The following ACOT7 variants were observed in gnomAD, a reference collection of about 807,000 sequenced individuals.
ACOT7 encodes cytosolic acyl coenzyme A thioester hydrolase.
ACOT7 carries 12 observed loss-of-function variants against 40.2 expected under a neutral mutation model. The ratio of observed to expected loss-of-function variants is 0.30; its 90% confidence interval spans 0.19 to 0.48. The LOEUF (loss-of-function observed/expected upper bound fraction) is 0.48. Among genes scored for constraint, ACOT7 ranks in the 20% least tolerant of loss-of-function variants. The pLI, the probability that ACOT7 is intolerant of heterozygous loss-of-function variation, is 0.99. For synonymous variants in ACOT7, 228 were observed against 219.5 expected (o/e 1.04, Z -0.34); for missense variants, 395 against 530.8 (o/e 0.74, Z 2.51).
At chr1:6,336,429 T>C (rs1240556006) in intron 3 of ACOT7, among the ~76,000 whole-genome samples, 2 of 151,686 alleles carry the variant, frequency 1.3e-5, no homozygotes, top group Admixed American at 6.6e-5. Flanking sequence ...CCAGTTAGCT[T>C]AATATTTTGA....
chr1:6,322,339 C>G (rs184879814), intron 5 of ACOT7, among the ~76,000 whole-genome samples: 1 of 152,364 alleles, frequency 6.6e-6, no homozygotes, highest in Admixed American at 6.5e-5. Flanking sequence ...CTCCCACACA[C>G]CCTGGCATGA....
chr1:6,393,512 C>T lies in ACOT7; in HGVS notation c.-113G>A, dbSNP rs1571362240. The T allele has an allele frequency of 9.2e-6, 9 of 979,758 alleles. No individual in the cohort carries two copies. The East Asian group carries it at 1.1e-4, about 12-fold the overall frequency. 60.7% of individuals were successfully genotyped at this position (979,758 alleles called of 1,614,324 possible). A position where few individuals can be genotyped will look rare whatever the true frequency, so the allele number is the denominator to read the frequency against. ...CCCCGCCCCCGCGCCGGCCCCACCC[C>T]GAGCCCCGCCTCCCAGGCCGCCAAG... On this transcript the variant is annotated 5_prime_UTR_variant, in exon 1 of 9. Transcript: ENST00000361521.
At chr1:6,286,835 T>G (rs186094184) in intron 7 of ACOT7, among the ~76,000 whole-genome samples, 6 of 152,222 alleles carry the variant, frequency 3.9e-5, no homozygotes, top group Admixed American at 3.9e-4. Flanking sequence ...GCATTCATTA[T>G]GTCACATGAC....
intron 1 of ACOT7, among the ~76,000 whole-genome samples, chr1:6,356,797 T>C (rs1641756407): frequency 1.3e-5 from 2 of 151,756 alleles, no homozygotes; most frequent in Admixed American, 1.3e-4. Context: ...CAGGCTCCTA[T>C]AATCCCAGCT....
At chr1:6,319,829 G>A (rs1640594240) in intron 5 of ACOT7, among the ~76,000 whole-genome samples, 1 of 152,212 alleles carries the variant, frequency 6.6e-6, no homozygotes. Flanking sequence ...GTCAGGCAGT[G>A]CTCTGGCCAA....
chr1:6,393,556 G>A lies in ACOT7; in HGVS notation c.-157C>T. ...CGCCAAGGCTGCAGAGAGCTCGCGC[G>A]GGCGTACGATTCTGGCGGCGTGGGG... is the stretch of plus-strand genomic sequence containing the variant. On this transcript the variant is annotated 5_prime_UTR_variant, in exon 1 of 9. Transcript: ENST00000361521. 3 of 621,926 alleles carry A rather than the reference G, an allele frequency of 4.8e-6. No individual in the cohort carries two copies. Among genetic ancestry groups the A allele is most frequent in the Non-Finnish European group, 4.5e-6 (2 of 444,136 alleles). The allele number at this position is 621,926 out of a possible 1,614,324, so 38.5% of individuals were successfully genotyped here. A position where few individuals can be genotyped will look rare whatever the true frequency, so the allele number is the denominator to read the frequency against.
At chr1:6,349,495 T>C (rs913529771) in intron 2 of ACOT7, among the ~76,000 whole-genome samples, 5 of 151,542 alleles carry the variant, frequency 3.3e-5, no homozygotes, top group African/African-American at 1.2e-4. Context: ...TGGCGGGGAG[T>C]GGTGGAGGGA....
intron 5 of ACOT7, among the ~76,000 whole-genome samples, chr1:6,319,628 C>T (rs983072275): frequency 1.3e-5 from 2 of 152,252 alleles, no homozygotes; most frequent in Admixed American, 6.5e-5. Flanking sequence ...TATGTGGCCA[C>T]ATGGCTGTCC....
In ACOT7 at chr1:6,282,531, TA is replaced by T. The variant is rs979604068; in HGVS notation, c.830-1246del. ...AATATATCTGGCTTCGGGGACTTTTTAATGTGGCCTCTGGAACCCCCAGTGT... is the reference window on the plus strand; with the variant it reads ...AATATATCTGGCTTCGGGGACTTTTTATGTGGCCTCTGGAACCCCCAGTGT... On this transcript the variant is annotated intron_variant, in intron 7 of 8. Coordinates refer to ENST00000361521, the MANE Select transcript of ACOT7 (RefSeq NM_007274.4). This position sits in a 1 kb window ranked among gnomAD's most constrained non-coding sequence, Gnocchi z 4.5. Among the ~76,000 whole-genome samples the T allele has an allele frequency of 5.3e-5, 8 of 152,132 alleles. No homozygotes were observed. Among genetic ancestry groups the T allele is most frequent in the African/African-American group, 1.9e-4 (8 of 41,418 alleles).
In ACOT7 at chr1:6,333,062, T is replaced by A. The variant is rs571420593; in HGVS notation, c.510+415A>T. Among the ~76,000 whole-genome samples the A allele has an allele frequency of 7.9e-5, 12 of 152,286 alleles. No homozygotes were observed. The East Asian group carries it at 2.1e-3, about 27-fold the overall frequency. On this transcript the variant is annotated intron_variant, in intron 4 of 8. Transcript: ENST00000361521. Reference sequence around the variant, plus strand: ...AGCTGGCCCGGCCCCCGCAGCCTGGTGGTCCTGGCTCCCGAAAGGACATGT... The same window carrying A: ...AGCTGGCCCGGCCCCCGCAGCCTGGAGGTCCTGGCTCCCGAAAGGACATGT...
At chr1:6,366,410 C>A (rs367862529) in intron 1 of ACOT7, among the ~76,000 whole-genome samples, 48 of 151,782 alleles carry the variant, frequency 3.2e-4, no homozygotes, top group African/African-American at 1.0e-3. Context: ...TAAGGAGATG[C>A]TGTCTCTAAA....
chr1:6,388,901 T>C lies in ACOT7; in HGVS notation c.143+4356A>G, dbSNP rs191854039. On this transcript the variant is annotated intron_variant, in intron 1 of 8. Transcript: ENST00000361521. Reference sequence around the variant, plus strand: ...AAAATACAAAAAAAAATTAGCCGGGTGTGGTGGCGGATGCCTGTAGTCCCA... The same window carrying C: ...AAAATACAAAAAAAAATTAGCCGGGCGTGGTGGCGGATGCCTGTAGTCCCA... 3.2e-3 allele frequency among the ~76,000 whole-genome samples: 474 copies of C among 150,242 alleles called. 3 individuals are homozygous for C. Among genetic ancestry groups the C allele is most frequent in the Non-Finnish European group, 5.0e-3 (335 of 67,604 alleles).
rs956581252 is a variant in ACOT7, at chr1:6,352,556, A to AGCT, written c.144-2693_144-2691dup. Among the ~76,000 whole-genome samples the AGCT allele has an allele frequency of 6.6e-6, 1 of 151,328 alleles. No homozygotes were observed. The highest frequency in any genetic ancestry group is 2.4e-5 in the African/African-American group (1 of 41,208). On this transcript the variant is annotated intron_variant, in intron 1 of 8. Transcript: ENST00000361521. The surrounding 1 kb of genome is among the most constrained non-coding windows in gnomAD (Gnocchi z 4.5). ...GGGGTGAGAGCCAGGGAGCCAGGGA[A>AGCT]GCTGCTGCGTCTCACTGGAGACTTC...
chr1:6,270,322 C>T (rs546514940), intron 8 of ACOT7, among the ~76,000 whole-genome samples: 19 of 152,130 alleles, frequency 1.2e-4, no homozygotes, highest in Non-Finnish European at 1.9e-4. Context: ...GGGTGGAGGA[C>T]GAAAGAACGC....
chr1:6,378,764 G>A (rs1323306207), intron 1 of ACOT7, among the ~76,000 whole-genome samples: 1 of 151,986 alleles, frequency 6.6e-6, no homozygotes, highest in African/African-American at 2.4e-5. Flanking sequence ...GAGGAGGGAA[G>A]GAGGACAGAA....
intron 1 of ACOT7, chr1:6,360,526 C>T: frequency 6.2e-7 from 1 of 1,610,648 alleles, no homozygotes. Context: ...ACTTCCCTCC[C>T]CTGACCCCAA....
chr1:6,277,141 G>A (rs1409583879), intron 8 of ACOT7, among the ~76,000 whole-genome samples: 1 of 152,228 alleles, frequency 6.6e-6, no homozygotes, highest in African/African-American at 2.4e-5. Flanking sequence ...GGACTCTATA[G>A]GGAGTGGGGA....
intron 7 of ACOT7, among the ~76,000 whole-genome samples, chr1:6,292,784 C>T (rs1231545491): frequency 2.0e-5 from 3 of 151,286 alleles, no homozygotes; most frequent in Non-Finnish European, 4.4e-5. Flanking sequence ...TGGCTTCAAG[C>T]GATTCTCATG....
At chr1:6,307,610 A>T (rs905431154) in intron 6 of ACOT7, among the ~76,000 whole-genome samples, 1 of 152,262 alleles carries the variant, frequency 6.6e-6, no homozygotes, top group Non-Finnish European at 1.5e-5. Flanking sequence ...AAGAACCAAG[A>T]CCCTGGCAGA....
Sources: allele counts gnomAD v4.1 joint callset (sites outside exome capture counted in the v4.1 genomes callset), GRCh38; gene constraint gnomAD v4.1.1; non-coding constraint Gnocchi (gnomAD v3.1); transcripts MANE v1.5; gene names NCBI Gene and HGNC (gene_info 2026-07-23, HGNC 2026-07-21).